Variants in CLIC4 observed in about 807,000 individuals in gnomAD.
The protein encoded by CLIC4 is chloride intracellular channel protein 4.
In CLIC4, 13 loss-of-function variants were observed where a neutral mutation model predicts 24.6. The ratio of observed to expected loss-of-function variants is 0.53; its 90% CI spans 0.34 to 0.84. The LOEUF (loss-of-function observed/expected upper bound fraction) is 0.84, where lower values mean the gene tolerates loss of function less well. CLIC4 is among the 40% of genes least tolerant of loss of function. The pLI, the probability that CLIC4 is intolerant of heterozygous loss-of-function variation, is 0.01. For synonymous variants in CLIC4, 104 were observed against 111.3 expected, an observed-to-expected ratio of 0.93 and a Z score of 0.41; for missense variants, 227 against 301.7, an observed-to-expected ratio of 0.75 and a Z score of 1.83.
chr1:24,821,842 T>C (rs1016518607), intron 3 of CLIC4, among the ~76,000 whole-genome samples: 2 of 152,148 alleles, frequency 1.3e-5, no homozygotes, highest in Non-Finnish European at 2.9e-5. Flanking sequence ...CACCTCAGCC[T>C]CCCAAAGTGC....
chr1:24,830,451 CAA>C (rs1356634014), intron 4 of CLIC4, among the ~76,000 whole-genome samples: 1 of 151,520 alleles, frequency 6.6e-6, no homozygotes, highest in Non-Finnish European at 1.5e-5. Context: ...TAGATTGTCT[CAA>C]GTTTTTTTTT....
At chr1:24,791,853 G>C (rs1402068652) in intron 1 of CLIC4, among the ~76,000 whole-genome samples, 2 of 151,664 alleles carry the variant, frequency 1.3e-5, no homozygotes, top group Non-Finnish European at 2.9e-5. Context: ...TCCAGCCTGG[G>C]TGACAAGAGT....
At chr1:24,765,815 C>T (rs1324294013) in intron 1 of CLIC4, among the ~76,000 whole-genome samples, 4 of 135,382 alleles carry the variant, frequency 3.0e-5, no homozygotes, top group Non-Finnish European at 3.1e-5. Context: ...TTCTTTCTTT[C>T]TTTTTTTTTT....
At chr1:24,813,278 G>A (rs1208902346) in intron 2 of CLIC4, among the ~76,000 whole-genome samples, 3 of 150,780 alleles carry the variant, frequency 2.0e-5, no homozygotes, top group East Asian at 2.0e-4. Flanking sequence ...TTCTGACCTC[G>A]TGATCCTCCT....
At chr1:24,829,458 C>G (rs542254267) in intron 4 of CLIC4, among the ~76,000 whole-genome samples, 38 of 152,192 alleles carry the variant, frequency 2.5e-4, no homozygotes, top group African/African-American at 8.9e-4. Context: ...TTTATGTAAC[C>G]ATTTAGGCAG....
At chr1:24,755,517 G>A (rs1638835947) in intron 1 of CLIC4, among the ~76,000 whole-genome samples, 1 of 151,620 alleles carries the variant, frequency 6.6e-6, no homozygotes, top group Non-Finnish European at 1.5e-5. Flanking sequence ...GCTGAGGCCG[G>A]AGGATCACTT....
rs147515693 is a variant in CLIC4 at position 24,785,592 on chromosome 1, G to A, written c.73-12150G>A. On this transcript the variant is annotated intron_variant, in intron 1 of 5. Coordinates refer to ENST00000374379, the MANE Select transcript of CLIC4 (RefSeq NM_013943.3). ...AAATAGGCTGGGCGCGGCGGCTCACGCCTGTAGTCCCAGCACTTTGGGAGG... is the reference window on the plus strand; with the variant it reads ...AAATAGGCTGGGCGCGGCGGCTCACACCTGTAGTCCCAGCACTTTGGGAGG... Among the ~76,000 whole-genome samples the A allele has an allele frequency of 9.6e-3, 1,467 of 152,150 alleles. 19 individuals carry two copies. The highest frequency in any genetic ancestry group is 0.015 in the Non-Finnish European group (999 of 67,980).
chr1:24,763,249 G>C (rs1422214606), intron 1 of CLIC4, among the ~76,000 whole-genome samples: 1 of 152,006 alleles, frequency 6.6e-6, no homozygotes, highest in Non-Finnish European at 1.5e-5. Flanking sequence ...CTCTACTAAA[G>C]AAAGAATTGG....
intron 1 of CLIC4, among the ~76,000 whole-genome samples, chr1:24,794,551 A>T (rs1639376575): frequency 6.6e-6 from 1 of 151,794 alleles, no homozygotes. Flanking sequence ...TTATATTTGT[A>T]ATTTTGTTTA....
intron 4 of CLIC4, among the ~76,000 whole-genome samples, chr1:24,837,145 G>A (rs1639893811): frequency 6.6e-6 from 1 of 151,902 alleles, no homozygotes; most frequent in Non-Finnish European, 1.5e-5. Flanking sequence ...TCTTTGCAAA[G>A]TCTAACAAAT....
At chr1:24,804,985 G>T (rs934407314) in intron 2 of CLIC4, among the ~76,000 whole-genome samples, 3 of 148,244 alleles carry the variant, frequency 2.0e-5, no homozygotes, top group Non-Finnish European at 4.4e-5. Flanking sequence ...CTTAGTCCCA[G>T]CTACTCAGGA....
At chr1:24,810,916 A>T (rs1189065518) in intron 2 of CLIC4, among the ~76,000 whole-genome samples, 1 of 151,718 alleles carries the variant, frequency 6.6e-6, no homozygotes, top group Admixed American at 6.6e-5. Flanking sequence ...TGTCTCTACT[A>T]AAAAATACAT....
chr1:24,808,466 A>G (rs1639576654), intron 2 of CLIC4, among the ~76,000 whole-genome samples: 1 of 152,152 alleles, frequency 6.6e-6, no homozygotes, highest in Non-Finnish European at 1.5e-5. Context: ...AATAATGACA[A>G]GAAAAAGTCT....
At chr1:24,811,476 TG>T (rs1639614148) in intron 2 of CLIC4, among the ~76,000 whole-genome samples, 1 of 150,548 alleles carries the variant, frequency 6.6e-6, no homozygotes, top group Admixed American at 6.6e-5. Flanking sequence ...TTTGGTTTGT[TG>T]TTGTTGTTGT....
chr1:24,771,942 C>A, intron 1 of CLIC4: 1 of 466,368 alleles, frequency 2.1e-6, no homozygotes, highest in Non-Finnish European at 4.3e-6. Context: ...ATTTTATATG[C>A]CAAGGTAGCC....
At chr1:24,799,405 T>G (rs1231057360) in intron 2 of CLIC4, among the ~76,000 whole-genome samples, 1 of 148,890 alleles carries the variant, frequency 6.7e-6, no homozygotes, top group African/African-American at 2.5e-5. Context: ...GGAGACCCTC[T>G]GCCTGGCAAC....
At chr1:24,827,247 C>A in intron 4 of CLIC4, 131 bp downstream of exon 4, 1 of 587,724 alleles carries the variant, frequency 1.7e-6, no homozygotes, top group Non-Finnish European at 3.0e-6. Flanking sequence ...AACTGTCTTT[C>A]AGAGTTGGTC....
At position 24,769,595 on chromosome 1, in the gene CLIC4, CAG is replaced by C. The variant is rs201468673; in HGVS notation, c.72+23972_72+23973del. On this transcript the variant is annotated intron_variant, in intron 1 of 5. Coordinates refer to ENST00000374379, the MANE Select transcript of CLIC4 (RefSeq NM_013943.3). The stretch of plus-strand genomic sequence containing the variant: ...ATTTGAAACTTGAATGCTTTCCTAA[CAG>C]AATTTCTTATGTTCTGTTTTCAGTC... Among the ~76,000 whole-genome samples, 336 of 152,122 alleles carry C rather than the reference CAG, an allele frequency of 2.2e-3. 1 individual carries two copies. Among genetic ancestry groups the C allele is most frequent in the Non-Finnish European group, 3.8e-3 (258 of 67,982 alleles).
intron 4 of CLIC4, among the ~76,000 whole-genome samples, chr1:24,835,060 C>G (rs1240258099): frequency 6.6e-6 from 1 of 152,134 alleles, no homozygotes; most frequent in Non-Finnish European, 1.5e-5. Context: ...CTTGTCACTT[C>G]TGTAGTTGAG....
Sources: allele counts gnomAD v4.1 joint callset (sites outside exome capture counted in the v4.1 genomes callset), GRCh38; gene constraint gnomAD v4.1.1; transcripts MANE v1.5; gene names NCBI Gene and HGNC (gene_info 2026-07-23, HGNC 2026-07-21).